The following ZNF438 variants were observed in gnomAD, a reference collection of about 807,000 sequenced individuals.
ZNF438 encodes zinc finger protein 438.
ZNF438 carries 25 observed loss-of-function variants against 38.0 expected under a neutral mutation model. That is an observed-to-expected ratio of 0.66 (90% confidence interval 0.48 to 0.92). The LOEUF (loss-of-function observed/expected upper bound fraction) is 0.92. Among genes scored for constraint, ZNF438 ranks in the 40% least tolerant of loss-of-function variants. ZNF438 has a pLI of 0.00. For missense variants in ZNF438, 1,007 were observed against 999.6 expected, an observed-to-expected ratio of 1.01 and a Z score of -0.10; for synonymous variants, 372 against 364.1, an observed-to-expected ratio of 1.02 and a Z score of -0.25.
intron 3 of ZNF438, among the ~76,000 whole-genome samples, chr10:30,896,293 C>A (rs1478365351): frequency 1.0e-4 from 5 of 48,472 alleles, no homozygotes; most frequent in African/African-American, 5.7e-4. Context: ...GAGACTCCAT[C>A]TCAAAAAAAA....
At chr10:30,878,328 G>C (rs1341249034) in intron 3 of ZNF438, among the ~76,000 whole-genome samples, 1 of 152,128 alleles carries the variant, frequency 6.6e-6, no homozygotes. Context: ...CTTGACTGGA[G>C]AGAAGCAACT....
chr10:30,848,046 A>G lies in ZNF438; in HGVS notation c.1874+485T>C, dbSNP rs374806468. Reference sequence around the variant, plus strand: ...TGAAATGACACCCCAAGGATCCCATAGCAATAATACCAGGAAGCAGTGCTT... The same window carrying G: ...TGAAATGACACCCCAAGGATCCCATGGCAATAATACCAGGAAGCAGTGCTT... On this transcript the variant is annotated intron_variant, in intron 5 of 5. Coordinates refer to ENST00000413025, the Ensembl canonical transcript of ZNF438. Among the ~76,000 whole-genome samples the G allele has an allele frequency of 1.2e-4, 18 of 152,336 alleles. No homozygotes were observed. In the East Asian group the frequency reaches 3.3e-3, roughly 28 times the overall value.
At chr10:30,849,266 G>C in exon 5 of ZNF438, 1 of 1,613,740 alleles carries the variant, frequency 6.2e-7, no homozygotes, top group Non-Finnish European at 8.5e-7. Flanking sequence ...TTTTCTCTTT[G>C]CTGCTCCACT....
At chr10:30,974,684 C>T (rs1430885665) in intron 1 of ZNF438, among the ~76,000 whole-genome samples, 1 of 152,132 alleles carries the variant, frequency 6.6e-6, no homozygotes, top group African/African-American at 2.4e-5. Flanking sequence ...ATGGTTTATT[C>T]CTCTTGACTT....
chr10:30,845,208 T>C (rs762477367), exon 6 of ZNF438: 3 of 1,614,184 alleles, frequency 1.9e-6, no homozygotes, highest in East Asian at 2.2e-5. Context: ...GGTTCCTGAC[T>C]GGGGTCCTTC....
At chr10:30,885,644 C>T (rs867381676) in intron 3 of ZNF438, among the ~76,000 whole-genome samples, 5 of 152,294 alleles carry the variant, frequency 3.3e-5, no homozygotes, top group Middle Eastern at 3.4e-3. Flanking sequence ...ATATACACTC[C>T]TCATGCTCTC....
chr10:30,969,629 C>G (rs921493679), intron 1 of ZNF438, among the ~76,000 whole-genome samples: 1 of 152,064 alleles, frequency 6.6e-6, no homozygotes, highest in Non-Finnish European at 1.5e-5. Flanking sequence ...ATGTGGACCC[C>G]GAAGTATACC....
chr10:30,891,752 G>A lies in ZNF438; in HGVS notation c.-31-14687C>T, dbSNP rs116675055. Among the ~76,000 whole-genome samples, 1,507 of 152,244 alleles carry A rather than the reference G, an allele frequency of 9.9e-3. 23 individuals carry two copies. Among genetic ancestry groups the A allele is most frequent in the African/African-American group, 0.034 (1,401 of 41,544 alleles). ...GTTAAGTCTAGAAAGACTCACGTTT[G>A]TGGCAAATTTTAACAAACAGGCCTA... On this transcript the variant is annotated intron_variant, in intron 3 of 5. Coordinates refer to ENST00000413025, the Ensembl canonical transcript of ZNF438.
chr10:30,912,383 C>G (rs2043173555), intron 2 of ZNF438, among the ~76,000 whole-genome samples: 1 of 152,112 alleles, frequency 6.6e-6, no homozygotes, highest in African/African-American at 2.4e-5. Flanking sequence ...AACCAGAAGT[C>G]CCTCGTCTTT....
chr10:31,006,779 G>T (rs1163242217), intron 1 of ZNF438, among the ~76,000 whole-genome samples: 1 of 33,516 alleles, frequency 3.0e-5, no homozygotes, highest in African/African-American at 5.6e-5. Flanking sequence ...GGCGGGGGGC[G>T]GGGGGGGGAA....
exon 5 of ZNF438, chr10:30,848,851 G>A (rs1452226661): frequency 1.9e-6 from 3 of 1,614,234 alleles, no homozygotes; most frequent in Admixed American, 3.3e-5. Context: ...GGTGCTGTTT[G>A]AACTGGAAGT....
chr10:30,952,386 C>G (rs575368251), intron 1 of ZNF438, among the ~76,000 whole-genome samples: 1 of 152,006 alleles, frequency 6.6e-6, no homozygotes, highest in African/African-American at 2.4e-5. Flanking sequence ...GCAACAAAAG[C>G]CAAAACTGAC....
intron 1 of ZNF438, among the ~76,000 whole-genome samples, chr10:31,008,606 T>C (rs1025029173): frequency 2.0e-5 from 3 of 152,360 alleles, no homozygotes; most frequent in African/African-American, 7.2e-5. Context: ...CAGTACTTTA[T>C]TCCTTTATGC....
At chr10:30,850,319 T>C in exon 5 of ZNF438, 1 of 1,614,192 alleles carries the variant, frequency 6.2e-7, no homozygotes, top group African/African-American at 1.3e-5. Context: ...ACTCTTATTC[T>C]GCAAACCTTT....
chr10:30,846,392 A>G (rs1032727574), intron 5 of ZNF438, among the ~76,000 whole-genome samples: 1 of 152,230 alleles, frequency 6.6e-6, no homozygotes, highest in Admixed American at 6.5e-5. Context: ...TGCTGCTGGG[A>G]AAACATGGAG....
intron 1 of ZNF438, among the ~76,000 whole-genome samples, chr10:30,992,329 T>C (rs1164695454): frequency 2.6e-5 from 4 of 151,784 alleles, no homozygotes; most frequent in Non-Finnish European, 4.4e-5. Flanking sequence ...AGGAGCTGGA[T>C]AGAAAAAAAC....
intron 2 of ZNF438, among the ~76,000 whole-genome samples, chr10:30,912,285 A>G (rs1205394447): frequency 6.6e-6 from 1 of 152,144 alleles, no homozygotes; most frequent in East Asian, 1.9e-4. Context: ...CACAGACACC[A>G]TTCAGTCTTC....
Position 30,860,879 on chromosome 10 carries a change from G to GT in ZNF438, c.38-10513dup, listed in dbSNP as rs1374035967. Among the ~76,000 whole-genome samples, 5 of 152,180 alleles carry GT rather than the reference G, an allele frequency of 3.3e-5. No homozygotes were observed. The East Asian group carries it at 9.6e-4, about 29-fold the overall frequency. On this transcript the variant is annotated intron_variant, in intron 4 of 5. Coordinates refer to ENST00000413025, the Ensembl canonical transcript of ZNF438. Reference sequence around the variant, plus strand: ...CCTAGTAGTTGTTCAAGAAAGTGGGGTAAGTACAGATCTCAGTGGCCCTGT... The same window carrying GT: ...CCTAGTAGTTGTTCAAGAAAGTGGGGTTAAGTACAGATCTCAGTGGCCCTGT...
At chr10:30,937,658 A>G (rs984213420) in intron 2 of ZNF438, among the ~76,000 whole-genome samples, 1 of 152,336 alleles carries the variant, frequency 6.6e-6, no homozygotes, top group African/African-American at 2.4e-5. Flanking sequence ...AAACTGTATA[A>G]TCAGTTTATA....
Sources: allele counts gnomAD v4.1 joint callset (sites outside exome capture counted in the v4.1 genomes callset), GRCh38; gene constraint gnomAD v4.1.1; transcripts MANE v1.5; gene names NCBI Gene and HGNC (gene_info 2026-07-23, HGNC 2026-07-21).